The following AKAP13 variants were observed in gnomAD, a reference collection of about 807,000 sequenced individuals.
AKAP13 encodes A-kinase anchoring protein 13.
AKAP13 carries 80 observed loss-of-function variants against 264.5 expected under a neutral mutation model. That is an observed-to-expected ratio of 0.30 (90% CI 0.25 to 0.36). The LOEUF is 0.36. Among genes scored for constraint, AKAP13 ranks in the 10% least tolerant of loss-of-function variants. AKAP13 has a pLI of 1.00. For missense variants in AKAP13, 3,712 were observed against 3,435.2 expected (o/e 1.08, Z -2.01); for synonymous variants, 1,380 against 1,250.2 (o/e 1.10, Z -2.19).
intron 1 of AKAP13, among the ~76,000 whole-genome samples, chr15:85,450,988 A>G (rs1246780175): frequency 6.6e-6 from 1 of 152,140 alleles, no homozygotes; most frequent in Admixed American, 6.5e-5. Flanking sequence ...TGGGGAGTCC[A>G]TGTCTCTTTG....
intron 1 of AKAP13, among the ~76,000 whole-genome samples, chr15:85,462,599 A>G (rs1457968327): frequency 6.6e-6 from 1 of 152,258 alleles, no homozygotes; most frequent in African/African-American, 2.4e-5. Context: ...GATGACCTAC[A>G]TGTTAAACTT....
At chr15:85,443,771 AAG>A (rs765141563) in intron 1 of AKAP13, among the ~76,000 whole-genome samples, 1 of 105,406 alleles carries the variant, frequency 9.5e-6, no homozygotes, top group Admixed American at 9.1e-5. Context: ...AAAAAAAAAA[AAG>A]TGTGTGTGTG....
chr15:85,395,780 C>G (rs2071080489), intron 1 of AKAP13, among the ~76,000 whole-genome samples: 1 of 151,554 alleles, frequency 6.6e-6, no homozygotes, highest in Non-Finnish European at 1.5e-5. Context: ...TTGTCTTTGC[C>G]CAGTGTTCAT....
At chr15:85,504,813 C>G (rs2076159332) in intron 2 of AKAP13, among the ~76,000 whole-genome samples, 12 of 151,996 alleles carry the variant, frequency 7.9e-5, no homozygotes, top group Admixed American at 7.9e-4. Flanking sequence ...CTACCACTTC[C>G]AGAGAGTTGT....
At chr15:85,474,283 C>T (rs915849538) in intron 1 of AKAP13, among the ~76,000 whole-genome samples, 1 of 152,228 alleles carries the variant, frequency 6.6e-6, no homozygotes, top group Non-Finnish European at 1.5e-5. Context: ...TTCTTTCCCT[C>T]TGCCCCACTC....
intron 1 of AKAP13, among the ~76,000 whole-genome samples, chr15:85,418,072 T>C: frequency 6.7e-6 from 1 of 148,642 alleles, no homozygotes; most frequent in East Asian, 1.9e-4. Flanking sequence ...ATTATCATTA[T>C]TATTATTATT....
At chr15:85,571,857 G>T (rs1189715227) in intron 5 of AKAP13, among the ~76,000 whole-genome samples, 1 of 152,232 alleles carries the variant, frequency 6.6e-6, no homozygotes, top group Non-Finnish European at 1.5e-5. Flanking sequence ...CCAGTGGGAA[G>T]ATACTTGCAA....
chr15:85,685,936 A>G (rs936780228), intron 16 of AKAP13, among the ~76,000 whole-genome samples: 1 of 152,176 alleles, frequency 6.6e-6, no homozygotes, highest in Non-Finnish European at 1.5e-5. Flanking sequence ...TCTTTTTTAA[A>G]AATGTATTTT....
chr15:85,600,083 T>C (rs2079988713), intron 8 of AKAP13, among the ~76,000 whole-genome samples: 1 of 151,564 alleles, frequency 6.6e-6, no homozygotes, highest in Non-Finnish European at 1.5e-5. Flanking sequence ...AGAAGGGAGG[T>C]AGCAAAAAGG....
intron 1 of AKAP13, among the ~76,000 whole-genome samples, chr15:85,419,111 T>C (rs1013573091): frequency 2.0e-5 from 3 of 152,246 alleles, no homozygotes; most frequent in African/African-American, 7.2e-5. Flanking sequence ...AGAGTCTTTG[T>C]ATATTTTTGA....
chr15:85,381,950 TGAA>T (rs1222268172), intron 1 of AKAP13: 2 of 152,236 alleles, frequency 1.3e-5, no homozygotes, highest in African/African-American at 4.8e-5. Context: ...GGCAAGTTTG[TGAA>T]GAAGCTAAGA....
At chr15:85,687,197 A>ATG (rs1225518266) in intron 16 of AKAP13, among the ~76,000 whole-genome samples, 1 of 150,700 alleles carries the variant, frequency 6.6e-6, no homozygotes, top group Non-Finnish European at 1.5e-5. Context: ...AGGCACAGAG[A>ATG]TGTATGCTTC....
At chr15:85,585,084 G>T (rs570013354) in intron 7 of AKAP13, among the ~76,000 whole-genome samples, 2 of 152,206 alleles carry the variant, frequency 1.3e-5, no homozygotes, top group African/African-American at 4.8e-5. Flanking sequence ...GAAAACATGC[G>T]CAGAAACGTT....
chr15:85,566,134 A>G (rs180897239), intron 5 of AKAP13, among the ~76,000 whole-genome samples: 14 of 152,356 alleles, frequency 9.2e-5, no homozygotes, highest in East Asian at 3.9e-4. Flanking sequence ...CAGAGAGACA[A>G]TTCACTTTAT....
intron 1 of AKAP13, among the ~76,000 whole-genome samples, chr15:85,434,917 T>A (rs1173735635): frequency 1.3e-5 from 2 of 149,160 alleles, no homozygotes; most frequent in African/African-American, 2.5e-5. Context: ...AGAGCGCCTC[T>A]CCTCCTCCAA....
chr15:85,645,709 G>T, intron 9 of AKAP13, 109 bp from the exon 10 acceptor site: 1 of 1,160,288 alleles, frequency 8.6e-7, no homozygotes, highest in Non-Finnish European at 1.2e-6. Context: ...AAGAGTGAGA[G>T]AGAGATTTAA....
intron 2 of AKAP13, among the ~76,000 whole-genome samples, chr15:85,517,489 A>G (rs1242920623): frequency 1.3e-5 from 2 of 152,176 alleles, no homozygotes; most frequent in Non-Finnish European, 2.9e-5. Context: ...GAAAAGGAAA[A>G]TACGTTCTTA....
chr15:85,584,722 A>G (rs1228568624), intron 7 of AKAP13, among the ~76,000 whole-genome samples: 2 of 152,228 alleles, frequency 1.3e-5, no homozygotes, highest in African/African-American at 4.8e-5. Flanking sequence ...ATGTGCTCCT[A>G]GAATAAAATC....
intron 13 of AKAP13, among the ~76,000 whole-genome samples, chr15:85,668,382 A>G (rs2083722570): frequency 6.6e-6 from 1 of 152,208 alleles, no homozygotes; most frequent in South Asian, 2.1e-4. Context: ...GGCTCTTATC[A>G]CCAGAAGTGT....
Sources: gnomAD v4.1 joint callset for allele counts (sites outside exome capture counted in the v4.1 genomes callset) on GRCh38, gnomAD v4.1.1 for gene constraint, MANE v1.5 for transcripts, NCBI Gene and HGNC (gene_info 2026-07-23, HGNC 2026-07-21) for gene names.